Variants in NID1 observed in about 807,000 individuals in gnomAD.
NID1 encodes the protein nidogen-1.
Under a neutral mutation model 130.6 loss-of-function variants are expected in NID1, and 76 were observed. The ratio of observed to expected loss-of-function variants is 0.58; its 90% CI spans 0.48 to 0.70. The LOEUF (loss-of-function observed/expected upper bound fraction) is 0.70. Ranked by LOEUF, NID1 falls within the 30% of genes least tolerant of loss-of-function variation. The pLI is 0.00. For missense variants in NID1, 1,517 were observed against 1,664.8 expected (o/e 0.91, Z 1.54); for synonymous variants, 665 against 675.1 (o/e 0.98, Z 0.23).
Position 235,979,331 on chromosome 1 carries a change from AG to A in NID1, c.3510-225del, listed in dbSNP as rs1284679371. Among the ~76,000 whole-genome samples, 18 of 152,082 alleles carry A rather than the reference AG, an allele frequency of 1.2e-4. 1 individual carries two copies. Among genetic ancestry groups the A allele is most frequent in the Non-Finnish European group, 1.5e-5 (1 of 68,018 alleles). On this transcript the variant is annotated intron_variant, in intron 18 of 19. Coordinates refer to ENST00000264187, the MANE Select transcript of NID1 (RefSeq NM_002508.3). This position sits in a 1 kb window ranked among gnomAD's most constrained non-coding sequence, Gnocchi z 4.6. ...CCAGTTAGCTCTCCCCTCCCACTCTAGATCCCAGGCAGGAAATGAGCTTTCT... is the reference window on the plus strand; with the variant it reads ...CCAGTTAGCTCTCCCCTCCCACTCTAATCCCAGGCAGGAAATGAGCTTTCT...
chr1:236,010,872 A>G (rs1347652298), intron 12 of NID1, among the ~76,000 whole-genome samples: 1 of 152,238 alleles, frequency 6.6e-6, no homozygotes, highest in Non-Finnish European at 1.5e-5. Flanking sequence ...TTTGATAGAC[A>G]ACTACTCTAA....
chr1:236,021,818 T>A (rs1658773369), intron 9 of NID1, among the ~76,000 whole-genome samples: 1 of 152,152 alleles, frequency 6.6e-6, no homozygotes. Flanking sequence ...TGGACTGACT[T>A]CCCCTTGGCA....
Position 235,976,240 on chromosome 1 carries a change from CAA to C in NID1, c.*1625_*1626del, listed in dbSNP as rs746965114. ...AATGTACTGCAGAAGCAAGTGAGGACAAAGTCAGGAGAAGGTGGGGCAGAGAG... is the reference window on the plus strand; with the variant it reads ...AATGTACTGCAGAAGCAAGTGAGGACAGTCAGGAGAAGGTGGGGCAGAGAG... On this transcript the variant is annotated 3_prime_UTR_variant, in exon 20 of 20. Transcript: ENST00000264187. The C allele has an allele frequency of 6.6e-6, 1 of 152,114 alleles. No homozygotes were observed. Among genetic ancestry groups the C allele is most frequent in the Non-Finnish European group, 1.5e-5 (1 of 68,030 alleles). 9.4% of individuals were successfully genotyped at this position (152,114 alleles called of 1,614,324 possible).
intron 12 of NID1, among the ~76,000 whole-genome samples, chr1:236,004,809 C>T (rs61508513): frequency 0.024 from 3,485 of 147,798 alleles, 152 homozygotes; most frequent in African/African-American, 0.083. Context: ...GCTAGAAGAG[C>T]TAGACCCTAG....
At chr1:236,036,452 G>A (rs1659265882) in intron 5 of NID1, among the ~76,000 whole-genome samples, 1 of 152,164 alleles carries the variant, frequency 6.6e-6, no homozygotes, top group African/African-American at 2.4e-5. Context: ...CTGAAAAGCA[G>A]AAACCATTCC....
intron 15 of NID1, among the ~76,000 whole-genome samples, chr1:235,984,906 C>T (rs139542798): frequency 1.6e-4 from 25 of 152,164 alleles, no homozygotes; most frequent in Non-Finnish European, 3.5e-4. Context: ...GTAGATTGTG[C>T]CTGCCGGGCG....
chr1:236,008,827 T>G (rs1174605632), intron 12 of NID1, among the ~76,000 whole-genome samples: 1 of 152,032 alleles, frequency 6.6e-6, no homozygotes, highest in Admixed American at 6.6e-5. Flanking sequence ...CCACCACACC[T>G]GGCTAATTTT....
intron 13 of NID1, among the ~76,000 whole-genome samples, chr1:235,992,523 T>C (rs1326538369): frequency 6.6e-6 from 1 of 152,214 alleles, no homozygotes; most frequent in East Asian, 1.9e-4. Context: ...CACACGGTGC[T>C]GCTTCTGGAA....
At chr1:236,024,332 G>T in intron 8 of NID1, 119 bp from the exon 9 acceptor site, 1 of 1,194,952 alleles carries the variant, frequency 8.4e-7, no homozygotes, top group Non-Finnish European at 1.2e-6. Flanking sequence ...AGAGCAGAGT[G>T]GAATGGGACA....
chr1:235,981,895 G>A, intron 15 of NID1, 113 bp from the exon 16 acceptor site: 1 of 916,830 alleles, frequency 1.1e-6, no homozygotes, highest in South Asian at 1.8e-5. Context: ...TGCACTTTAA[G>A]AAACCAAATG....
chr1:236,031,051 A>T (rs1188157725), intron 6 of NID1, among the ~76,000 whole-genome samples: 1 of 152,218 alleles, frequency 6.6e-6, no homozygotes, highest in African/African-American at 2.4e-5. Flanking sequence ...CCTGTGGACT[A>T]GGAAGAAAAA....
chr1:235,986,394 C>A, intron 14 of NID1, among the ~76,000 whole-genome samples: 1 of 149,352 alleles, frequency 6.7e-6, no homozygotes. Context: ...TATATACTAG[C>A]AAAATATAGA....
At chr1:236,018,086 C>T (rs1488977195) in intron 9 of NID1, among the ~76,000 whole-genome samples, 1 of 152,156 alleles carries the variant, frequency 6.6e-6, no homozygotes, top group Non-Finnish European at 1.5e-5. Context: ...AAAGGGAAGT[C>T]ATTCACTCAT....
intron 7 of NID1, among the ~76,000 whole-genome samples, chr1:236,027,158 C>A (rs1295579669): frequency 6.6e-6 from 1 of 152,078 alleles, no homozygotes; most frequent in African/African-American, 2.4e-5. Context: ...GCACTGTGAG[C>A]AAGCCTGAAC....
At position 236,017,196 on chromosome 1, in the gene NID1, A is replaced by G. The variant is rs770187383; in HGVS notation, c.2206T>C (p.Cys736Arg). ...AACTGGTAGCCCTCCACACACTCGC[A>G]GCGGAAGGTTCCTGGGTGATTATTG... is the stretch of plus-strand genomic sequence containing the variant. ...ICNNHPGTFR[C>R]ECVEGYQFSD... Residue 736 changes from cysteine to arginine, a missense_variant, in exon 10 of 20, where the codon TGC (cysteine) becomes CGC (arginine). Cys to Arg is a radical substitution (Grantham distance 180). This residue lies in a region of NID1 where 1,329 missense variants were observed against 1,429.2 expected (regional missense o/e 0.93). Coordinates refer to ENST00000264187, the MANE Select transcript of NID1 (RefSeq NM_002508.3). The G allele has an allele frequency of 6.2e-7, 1 of 1,614,150 alleles. No homozygotes were observed. The highest frequency in any genetic ancestry group is 8.5e-7 in the Non-Finnish European group (1 of 1,180,014).
chr1:235,978,154 C>T (rs1027736314), intron 19 of NID1, among the ~76,000 whole-genome samples, 166 bp from the exon 20 acceptor site: 1 of 152,196 alleles, frequency 6.6e-6, no homozygotes. Flanking sequence ...GTCAGCTGAG[C>T]TGATCCATTG....
At position 236,064,874 on chromosome 1, in the gene NID1, G is replaced by A; in HGVS notation, c.206C>T (p.Ser69Phe). The change falls in exon 1 of 20, where the codon TCC (serine) becomes TTC (phenylalanine). Residue 69 changes from serine (S) to phenylalanine (F), a missense_variant. By Grantham distance (155) the Ser-to-Phe change is radical (BLOSUM62 -2). Around this residue, in one of 3 missense-constraint regions of NID1, gnomAD observed 1,329 missense variants for 1,429.2 expected, o/e 0.93. Coordinates refer to ENST00000264187, the MANE Select transcript of NID1 (RefSeq NM_002508.3). ...LSGALRFYDR[S>F]DIDAVYVTTN... is the part of the protein sequence containing the mutation. ...ACTCACGTAGACTGCGTCGATGTCG[G>A]ATCTGTCGTAGAAGCGGAGCGCCCC... The A allele has an allele frequency of 6.2e-7, 1 of 1,612,114 alleles. No individual in the cohort carries two copies. Among genetic ancestry groups the A allele is most frequent in the Non-Finnish European group, 8.5e-7 (1 of 1,179,382 alleles).
In NID1 at chr1:236,038,184, T is replaced by A; in HGVS notation, c.1205A>T (p.Glu402Val). ...NNRHQCSVHAECRDYATGFCC... is the reference protein window; with the variant it reads ...NNRHQCSVHAVCRDYATGFCC... ...GAAGCCCGTGGCGTAGTCCCTGCAC[T>A]CTGCGTGCACCGAGCACTGGTGTCT... is the stretch of plus-strand genomic sequence containing the variant. The change falls in exon 5 of 20, where the codon GAG becomes GTG. Residue 402 changes from glutamate to valine, a missense_variant. This residue lies in a region of NID1 where 1,329 missense variants were observed against 1,429.2 expected (regional missense o/e 0.93). Coordinates refer to ENST00000264187, the MANE Select transcript of NID1 (RefSeq NM_002508.3). The A allele has an allele frequency of 6.2e-7, 1 of 1,613,362 alleles. No homozygotes were observed. Among genetic ancestry groups the A allele is most frequent in the Non-Finnish European group, 8.5e-7 (1 of 1,179,418 alleles).
intron 9 of NID1, among the ~76,000 whole-genome samples, chr1:236,020,814 C>T (rs1335652586): frequency 6.6e-6 from 1 of 152,232 alleles, no homozygotes; most frequent in Admixed American, 6.5e-5. Flanking sequence ...GGAATACACT[C>T]GCATTCCACG....
Sources: allele counts gnomAD v4.1 joint callset (sites outside exome capture counted in the v4.1 genomes callset), GRCh38; gene constraint gnomAD v4.1.1; regional missense constraint gnomAD v4.1.1; non-coding constraint Gnocchi (gnomAD v3.1); transcripts MANE v1.5; gene names NCBI Gene and HGNC (gene_info 2026-07-23, HGNC 2026-07-21).